The following MTUS2 variants were observed in gnomAD, a reference collection of about 807,000 sequenced individuals.
The protein encoded by MTUS2 is microtubule-associated tumor suppressor candidate 2.
In MTUS2, 40 loss-of-function variants were observed where a neutral mutation model predicts 114.1. That is an observed-to-expected ratio of 0.35 (90% CI 0.27 to 0.46). The LOEUF is 0.46. MTUS2 is among the 20% of genes least tolerant of loss of function. The pLI is 1.00. For missense variants in MTUS2, 1,679 were observed against 1,705.4 expected (o/e 0.98, Z 0.27); for synonymous variants, 688 against 672.0 (o/e 1.02, Z -0.37).
At chr13:29,139,851 G>A (rs1348734420) in intron 5 of MTUS2, among the ~76,000 whole-genome samples, 1 of 152,180 alleles carries the variant, frequency 6.6e-6, no homozygotes, top group Non-Finnish European at 1.5e-5. Flanking sequence ...GAGACAGCAG[G>A]CACATGGGCA....
Position 29,480,105 on chromosome 13 carries a change from T to C in MTUS2, c.3185-45T>C. The C allele has an allele frequency of 6.5e-7, 1 of 1,545,188 alleles. No individual in the cohort carries two copies. Among genetic ancestry groups the C allele is most frequent in the Non-Finnish European group, 8.8e-7 (1 of 1,142,496 alleles). ...ATGGAGGCTGAGTCCTTCCCATGCC[T>C]CCTACGGCCATTTTTTAAAGAAAGA... On this transcript the variant is annotated intron_variant, in intron 9 of 15. Transcript: ENST00000612955. The surrounding 1 kb of genome is among the most constrained non-coding windows in gnomAD (Gnocchi z 4.4).
At chr13:28,892,358 A>G (rs1253847712) in intron 2 of MTUS2, among the ~76,000 whole-genome samples, 1 of 152,154 alleles carries the variant, frequency 6.6e-6, no homozygotes, top group African/African-American at 2.4e-5. Flanking sequence ...AGCATTTGCC[A>G]GGCTGAGAAG....
At chr13:29,188,269 G>A (rs1289871122) in intron 5 of MTUS2, among the ~76,000 whole-genome samples, 1 of 152,140 alleles carries the variant, frequency 6.6e-6, no homozygotes. Context: ...TGATTCCATG[G>A]CAAAAGAGTG....
At chr13:28,854,554 T>C (rs1876501450) in intron 2 of MTUS2, among the ~76,000 whole-genome samples, 1 of 152,210 alleles carries the variant, frequency 6.6e-6, no homozygotes, top group Non-Finnish European at 1.5e-5. Flanking sequence ...AGCTCTTCTC[T>C]ATCTTTGTAT....
At chr13:29,237,227 G>A (rs1419385496) in intron 5 of MTUS2, among the ~76,000 whole-genome samples, 1 of 152,126 alleles carries the variant, frequency 6.6e-6, no homozygotes, top group Non-Finnish European at 1.5e-5. Context: ...CATTTGTGGT[G>A]GCTTTCCAGG....
intron 3 of MTUS2, among the ~76,000 whole-genome samples, chr13:29,033,250 G>A (rs1228436040): frequency 6.6e-6 from 1 of 152,198 alleles, no homozygotes; most frequent in African/African-American, 2.4e-5. Context: ...CTTCCTGGGA[G>A]CATCGCCTCA....
intron 2 of MTUS2, among the ~76,000 whole-genome samples, chr13:29,000,237 C>T (rs755563648): frequency 4.6e-5 from 7 of 152,210 alleles, no homozygotes; most frequent in African/African-American, 7.2e-5. Flanking sequence ...GCATTTCTTG[C>T]ACGGCAGGTA....
intron 11 of MTUS2, chr13:29,488,206 A>C: frequency 5.2e-6 from 3 of 573,446 alleles, no homozygotes. Flanking sequence ...CTTTCCTCCA[A>C]TGCAGTTATC....
At chr13:29,009,480 CT>C (rs1234840173) in intron 2 of MTUS2, among the ~76,000 whole-genome samples, 1 of 151,962 alleles carries the variant, frequency 6.6e-6, no homozygotes, top group Non-Finnish European at 1.5e-5. Flanking sequence ...TGAAAGGCTG[CT>C]TGTTGTTTGG....
chr13:28,925,068 A>G (rs960476033), intron 2 of MTUS2, among the ~76,000 whole-genome samples: 1 of 152,144 alleles, frequency 6.6e-6, no homozygotes, highest in African/African-American at 2.4e-5. Context: ...CTCTAATGCT[A>G]AGAGGACAGT....
At chr13:29,059,578 G>T (rs1397783674) in intron 4 of MTUS2, among the ~76,000 whole-genome samples, 1 of 152,120 alleles carries the variant, frequency 6.6e-6, no homozygotes, top group African/African-American at 2.4e-5. Flanking sequence ...GAGAGGCGAG[G>T]GTGGGTGAAG....
intron 9 of MTUS2, among the ~76,000 whole-genome samples, chr13:29,471,611 T>C (rs989588610): frequency 6.6e-6 from 1 of 152,166 alleles, no homozygotes; most frequent in Non-Finnish European, 1.5e-5. Context: ...TGGTTGTTTT[T>C]AGGAAGCTAT....
At chr13:29,092,760 C>G (rs970407417) in intron 4 of MTUS2, among the ~76,000 whole-genome samples, 1 of 129,070 alleles carries the variant, frequency 7.7e-6, no homozygotes, top group Admixed American at 8.0e-5. Context: ...CTCTGGCTGG[C>G]AAAGTGACAG....
chr13:28,976,510 T>G (rs890042944), intron 2 of MTUS2, among the ~76,000 whole-genome samples: 4 of 152,116 alleles, frequency 2.6e-5, no homozygotes, highest in African/African-American at 9.7e-5. Context: ...GCAGTGCATT[T>G]TGGAGGATGA....
At chr13:29,223,581 A>C (rs144415110) in intron 5 of MTUS2, among the ~76,000 whole-genome samples, 1 of 152,232 alleles carries the variant, frequency 6.6e-6, no homozygotes, top group Admixed American at 6.5e-5. Context: ...CTGACACTCA[A>C]TAAAGCACCT....
At chr13:29,002,402 CACTATATACCCATATAT>C (rs1885424399) in intron 2 of MTUS2, among the ~76,000 whole-genome samples, 1 of 152,192 alleles carries the variant, frequency 6.6e-6, no homozygotes, top group African/African-American at 2.4e-5. Flanking sequence ...ACAATTGATA[CACTATATACCCATATAT>C]ACTATATACT....
At chr13:28,892,723 G>T (rs1879006874) in intron 2 of MTUS2, among the ~76,000 whole-genome samples, 1 of 152,044 alleles carries the variant, frequency 6.6e-6, no homozygotes, top group Admixed American at 6.6e-5. Flanking sequence ...ATTTCTGTAA[G>T]AATCTACTAT....
rs777394022 is a variant in MTUS2, at chr13:29,492,639, T to C, written c.3506-7T>C. On this transcript the variant is annotated splice_polypyrimidine_tract_variant and splice_region_variant and intron_variant, in intron 11 of 15. Coordinates refer to ENST00000612955, the MANE Select transcript of MTUS2 (RefSeq NM_001033602.4). ...ACCAACTTGACAATTTAATGTCTTC[T>C]TTCCAGAATTGATGTCCACTCATGA... 2 of 1,610,940 alleles carry C rather than the reference T, an allele frequency of 1.2e-6. No homozygotes were observed. The highest frequency in any genetic ancestry group is 4.5e-5 in the East Asian group (2 of 44,878).
chr13:28,933,369 T>C (rs139811980), intron 2 of MTUS2, among the ~76,000 whole-genome samples: 44 of 152,322 alleles, frequency 2.9e-4, no homozygotes, highest in Non-Finnish European at 5.9e-4. Flanking sequence ...GCAGAATCCC[T>C]TCCAGATTGG....
Sources: allele counts gnomAD v4.1 joint callset (sites outside exome capture counted in the v4.1 genomes callset), GRCh38; gene constraint gnomAD v4.1.1; non-coding constraint Gnocchi (gnomAD v3.1); transcripts MANE v1.5; gene names NCBI Gene and HGNC (gene_info 2026-07-23, HGNC 2026-07-21).